Variants in RPA3 observed in about 807,000 individuals in gnomAD.
RPA3 encodes the protein replication protein A 14 kDa subunit.
In RPA3, 24 loss-of-function variants were observed where a neutral mutation model predicts 13.7. The observed-to-expected ratio is 1.75, with a 90% CI of 1.27 to 2.46. The LOEUF (loss-of-function observed/expected upper bound fraction) is 2.46. Ranked by LOEUF, RPA3 falls within the 30% of genes most tolerant of loss-of-function variation. The pLI is 0.00. For missense variants in RPA3, 183 were observed against 151.0 expected (o/e 1.21, Z -1.11); for synonymous variants, 59 against 51.2 (o/e 1.15, Z -0.65).
intron 2 of RPA3, among the ~76,000 whole-genome samples, chr7:7,705,456 A>C (rs375554038): frequency 5.4e-4 from 83 of 152,346 alleles, no homozygotes; most frequent in African/African-American, 1.9e-3. Flanking sequence ...GGTTTGGGTC[A>C]CTGCTCTGTA....
chr7:7,639,199 A>G, intron 5 of RPA3, 55 bp from the exon 6 acceptor site: 2 of 1,347,260 alleles, frequency 1.5e-6, no homozygotes, highest in Non-Finnish European at 1.1e-6. Context: ...AAGTTTGACT[A>G]AAGATGAGTA....
intron 2 of RPA3, among the ~76,000 whole-genome samples, chr7:7,687,891 T>G (rs1780077405): frequency 1.3e-5 from 2 of 152,246 alleles, no homozygotes; most frequent in Admixed American, 1.3e-4. Context: ...ACGACTTATT[T>G]TTATTTCTGG....
intron 2 of RPA3, among the ~76,000 whole-genome samples, chr7:7,706,755 AGCT>A (rs1489064345): frequency 6.6e-6 from 1 of 152,204 alleles, no homozygotes; most frequent in Non-Finnish European, 1.5e-5. Flanking sequence ...AGTAAGTGAC[AGCT>A]GGGATTTTAA....
At chr7:7,699,575 T>C (rs17169553) in intron 2 of RPA3, among the ~76,000 whole-genome samples, 7,793 of 152,298 alleles carry the variant, frequency 0.051, 250 homozygotes, top group Middle Eastern at 0.12. Context: ...CTGGATGTGA[T>C]GGTCCAATCT....
chr7:7,655,961 G>A (rs1372238881), intron 4 of RPA3, among the ~76,000 whole-genome samples: 5 of 152,134 alleles, frequency 3.3e-5, no homozygotes, highest in African/African-American at 4.8e-5. Flanking sequence ...TCAGCCTTCC[G>A]AGTAGCTGGG....
chr7:7,655,819 G>GTCTC (rs146375851), intron 4 of RPA3, among the ~76,000 whole-genome samples: 47 of 150,274 alleles, frequency 3.1e-4, no homozygotes, highest in South Asian at 2.1e-3. Context: ...ATTTAGGACA[G>GTCTC]TCTCTCTCTC....
At chr7:7,690,601 T>C (rs1337018814) in intron 2 of RPA3, among the ~76,000 whole-genome samples, 1 of 152,164 alleles carries the variant, frequency 6.6e-6, no homozygotes, top group Non-Finnish European at 1.5e-5. Context: ...AAGGACATCT[T>C]AGGGATAATT....
chr7:7,666,106 A>G (rs1380403012), intron 4 of RPA3, among the ~76,000 whole-genome samples: 1 of 152,162 alleles, frequency 6.6e-6, no homozygotes, highest in Non-Finnish European at 1.5e-5. Flanking sequence ...GCTGTACCAT[A>G]TTACCCTTCT....
intron 4 of RPA3, among the ~76,000 whole-genome samples, chr7:7,649,622 T>G (rs1210427747): frequency 6.6e-6 from 1 of 152,212 alleles, no homozygotes; most frequent in Non-Finnish European, 1.5e-5. Flanking sequence ...TTTTGTTACT[T>G]TTTTCTTCTT....
chr7:7,672,645 G>A (rs1779636211), intron 4 of RPA3, among the ~76,000 whole-genome samples: 1 of 152,112 alleles, frequency 6.6e-6, no homozygotes, highest in Non-Finnish European at 1.5e-5. Context: ...TAAGGGGCTT[G>A]GCACTCATTC....
At chr7:7,697,761 T>C (rs569276904) in intron 2 of RPA3, among the ~76,000 whole-genome samples, 1 of 152,340 alleles carries the variant, frequency 6.6e-6, no homozygotes, top group African/African-American at 2.4e-5. Context: ...AGATTTACTG[T>C]ATTTTTTCCT....
Position 7,639,152 on chromosome 7 carries a change from C to T in RPA3, c.100-8G>A, listed in dbSNP as rs750490440. 97 of 1,602,934 alleles carry T rather than the reference C, an allele frequency of 6.1e-5. 1 individual carries two copies. Among genetic ancestry groups the T allele is most frequent in the Middle Eastern group, 1.7e-4 (1 of 6,030 alleles). On this transcript the variant is annotated splice_polypyrimidine_tract_variant and splice_region_variant and intron_variant, in intron 5 of 7. Transcript: ENST00000223129. ...TTTTCCGGTGGGATGAATCTAAAAA[C>T]GAAACATATAATTAAAATCTCACTA... is the stretch of plus-strand genomic sequence containing the variant.
chr7:7,685,497 A>G (rs1325504020), intron 4 of RPA3, among the ~76,000 whole-genome samples: 1 of 151,914 alleles, frequency 6.6e-6, no homozygotes, highest in Non-Finnish European at 1.5e-5. Flanking sequence ...TTAGTAGAGA[A>G]GGAGTTTCAC....
chr7:7,668,038 TC>T (rs1209524691), intron 4 of RPA3, among the ~76,000 whole-genome samples: 1 of 151,714 alleles, frequency 6.6e-6, no homozygotes, highest in African/African-American at 2.4e-5. Context: ...AACCTCAGCC[TC>T]CCGATTAGCT....
intron 4 of RPA3, among the ~76,000 whole-genome samples, chr7:7,656,126 C>T (rs759443388): frequency 2.0e-5 from 3 of 152,008 alleles, no homozygotes; most frequent in Non-Finnish European, 2.9e-5. Context: ...TGAGCCACTG[C>T]GCCTGGCCAG....
At chr7:7,699,049 T>G (rs796095181) in intron 2 of RPA3, among the ~76,000 whole-genome samples, 4,707 of 143,454 alleles carry the variant, frequency 0.033, 165 homozygotes, top group African/African-American at 0.092. Context: ...TGTGTGTGTG[T>G]GGGGGGGGGG....
At chr7:7,654,921 T>G (rs1319557662) in intron 4 of RPA3, among the ~76,000 whole-genome samples, 4 of 151,544 alleles carry the variant, frequency 2.6e-5, no homozygotes, top group Non-Finnish European at 5.9e-5. Flanking sequence ...AAAAAAAATT[T>G]GTGATATTTT....
chr7:7,693,867 G>A (rs1234499281), intron 2 of RPA3, among the ~76,000 whole-genome samples: 1 of 151,964 alleles, frequency 6.6e-6, no homozygotes, highest in Non-Finnish European at 1.5e-5. Context: ...TCTGTGGTGG[G>A]TTTTTATATT....
chr7:7,662,159 C>T (rs1785490606), intron 4 of RPA3, among the ~76,000 whole-genome samples: 1 of 152,120 alleles, frequency 6.6e-6, no homozygotes, highest in South Asian at 2.1e-4. Flanking sequence ...TGCCCTTCCC[C>T]CCACCAAGCT....
Sources: allele counts gnomAD v4.1 joint callset (sites outside exome capture counted in the v4.1 genomes callset), GRCh38; gene constraint gnomAD v4.1.1; transcripts MANE v1.5; gene names NCBI Gene and HGNC (gene_info 2026-07-23, HGNC 2026-07-21).